Variants in ATRIP observed in about 807,000 individuals in gnomAD.
ATRIP encodes ATR-interacting protein.
A neutral mutation model predicts 78.1 loss-of-function variants in ATRIP; 44 were observed. That is an observed-to-expected ratio of 0.56 (90% CI 0.44 to 0.72). The LOEUF is 0.72. ATRIP is among the 30% of genes least tolerant of loss of function. The pLI, the probability that ATRIP is intolerant of heterozygous loss-of-function variation, is 0.00. For synonymous variants in ATRIP, 388 were observed against 408.9 expected, an observed-to-expected ratio of 0.95 and a Z score of 0.62; for missense variants, 927 against 980.2, an observed-to-expected ratio of 0.95 and a Z score of 0.72.
At chr3:48,465,121 G>T in intron 12 of ATRIP, 38 bp downstream of exon 12, 1 of 1,579,428 alleles carries the variant, frequency 6.3e-7, no homozygotes. Flanking sequence ...AGCCCCCATG[G>T]CTTCTTCCAG....
Position 48,466,430 on chromosome 3 carries a change from AGTCGAATGTGCTG to A in ATRIP, c.*880_*892del. 6.2e-7 allele frequency: 1 copy of A among 1,610,838 alleles called. No individual in the cohort carries two copies. The highest frequency in any genetic ancestry group is 1.7e-5 in the Admixed American group (1 of 60,010). On this transcript the variant is annotated 3_prime_UTR_variant, in exon 13 of 13. Transcript: ENST00000320211. ...TGTGAAGAGGGAGACCCTCTCAGAC[AGTCGAATGTGCTG>A]GTCCCACTAAGGAAACCACCTCACC...
At position 48,446,882 on chromosome 3, in the gene ATRIP, A is replaced by T; in HGVS notation, c.37A>T (p.Ser13Cys). The T allele has an allele frequency of 7.1e-7, 1 of 1,401,734 alleles. No homozygotes were observed. Among genetic ancestry groups the T allele is most frequent in the Non-Finnish European group, 9.3e-7 (1 of 1,080,814 alleles). The allele number at this position is 1,401,734 out of a possible 1,614,324, so 86.8% of individuals were successfully genotyped here. Residue 13 changes from serine to cysteine, a missense_variant, in exon 1 of 13, where the codon AGC (serine) becomes TGC (cysteine). Transcript: ENST00000320211. ...GTSAPGSKRR[S>C]EPPAPRPGPP... ...CTCCGCGCCAGGCAGCAAGAGGCGG[A>T]GCGAGCCCCCGGCGCCTCGCCCCGG...
chr3:48,452,692 T>C (rs13091785), intron 3 of ATRIP, among the ~76,000 whole-genome samples: 94,207 of 151,510 alleles, frequency 0.62, 29,671 homozygotes, highest in African/African-American at 0.72. Flanking sequence ...GAGACCCTGT[T>C]TCAAAAAAAG....
Position 48,465,515 on chromosome 3 carries a change from G to C in ATRIP, c.2337G>C (p.Ala779=). 5 of 1,613,926 alleles carry C rather than the reference G, an allele frequency of 3.1e-6. No individual in the cohort carries two copies. The highest frequency in any genetic ancestry group is 4.2e-6 in the Non-Finnish European group (5 of 1,179,882). The change falls in exon 13 of 13, where the codon GCG becomes GCC. Residue 779 remains alanine, a synonymous_variant. Transcript: ENST00000320211. ...CAGCCCTGGATGACCTCTGTGCCGC[G>C]GAAACCGATGTGGAAGACCCCGAGG... ...EEAALDDLCA[A]ETDVEDPEVE...
rs1205202381 is a variant in ATRIP, at chr3:48,463,791, A to G, written c.1792A>G (p.Thr598Ala). ...GCTGCCAAAGTGCCTCAGCCCAGAGACACCCCTGCCTAGCGTGCTGCTGGC... is the reference window on the plus strand; with the variant it reads ...GCTGCCAAAGTGCCTCAGCCCAGAGGCACCCCTGCCTAGCGTGCTGCTGGC... ...QVLPKCLSPE[T>A]PLPSVLLAVE... Residue 598 changes from threonine to alanine, a missense_variant, in exon 9 of 13, where the codon ACA becomes GCA. Transcript: ENST00000320211. 6.2e-7 allele frequency: 1 copy of G among 1,614,088 alleles called. No homozygotes were observed. The highest frequency in any genetic ancestry group is 2.2e-5 in the East Asian group (1 of 44,878).
chr3:48,454,013 A>G (rs1040519693), intron 3 of ATRIP, among the ~76,000 whole-genome samples: 6 of 151,830 alleles, frequency 4.0e-5, no homozygotes, highest in African/African-American at 9.7e-5. Context: ...TCCCGCCTCA[A>G]CCTCCCAAAG....
At chr3:48,449,927 G>C (rs1338144345) in intron 1 of ATRIP, 110 bp from the exon 2 acceptor site, 1 of 1,195,980 alleles carries the variant, frequency 8.4e-7, no homozygotes, top group Non-Finnish European at 1.2e-6. Flanking sequence ...AACAGAGCAA[G>C]ACCCTATCTC....
rs113448339 is a variant in ATRIP, at chr3:48,464,650, G to A, written c.2043G>A (p.Gln681=). 2 of 1,614,226 alleles carry A rather than the reference G, an allele frequency of 1.2e-6. No individual in the cohort carries two copies. Among genetic ancestry groups the A allele is most frequent in the East Asian group, 2.2e-5 (1 of 44,888 alleles). Residue 681 remains glutamine (Q), a synonymous_variant, in exon 11 of 13, where the codon CAG becomes CAA. Transcript: ENST00000320211. ...CCCCAGTCACTGGCTCCAACTGCCA[G>A]TGTAATGTGGAGGTGAGTGGGTAGG... ...PLPPVTGSNC[Q]CNVEVVRALT... is the part of the protein sequence containing the mutation.
intron 2 of ATRIP, among the ~76,000 whole-genome samples, chr3:48,451,020 C>T (rs1350219470): frequency 6.6e-6 from 1 of 151,586 alleles, no homozygotes; most frequent in Non-Finnish European, 1.5e-5. Flanking sequence ...GAAAACCCGT[C>T]TCTACTAAAA....
Position 48,459,859 on chromosome 3 carries a change from T to C in ATRIP, c.998T>C (p.Leu333Pro), listed in dbSNP as rs1487711352. The C allele has an allele frequency of 5.6e-6, 9 of 1,614,062 alleles. No individual in the cohort carries two copies. The South Asian group carries it at 9.9e-5, about 18-fold the overall frequency. Residue 333 changes from leucine (L) to proline (P), a missense_variant, in exon 7 of 13, where the codon CTG becomes CCG. Leu to Pro is a moderately conservative substitution (Grantham distance 98). Coordinates refer to ENST00000320211, the MANE Select transcript of ATRIP (RefSeq NM_130384.3). The stretch of plus-strand genomic sequence containing the variant: ...TCATCCCTAAGCCTTTGCCACCTCC[T>C]GAGTAGTAGTTCTGAGTCTCCTGCT... ...PGSSLSLCHLLSSSSESPAGT... is the reference protein window; with the variant it reads ...PGSSLSLCHLPSSSSESPAGT...
intron 4 of ATRIP, among the ~76,000 whole-genome samples, chr3:48,455,569 A>G (rs901074271): frequency 2.0e-5 from 3 of 151,748 alleles, no homozygotes; most frequent in Non-Finnish European, 4.4e-5. Context: ...AGCTCACTGC[A>G]ACCTCCACCT....
rs771927804 is a variant in ATRIP at position 48,451,886 on chromosome 3, A to G, written c.539A>G (p.Glu180Gly). ...KTQALSDKEKEFSKKLQSLQS... is the reference protein window; with the variant it reads ...KTQALSDKEKGFSKKLQSLQS... ...CAAGCACTCAGTGACAAGGAAAAGG[A>G]ATTCTCCAAAAAGGTGACCCAGAGC... is the stretch of plus-strand genomic sequence containing the variant. Residue 180 changes from glutamate to glycine, a missense_variant, in exon 3 of 13, where the codon GAA becomes GGA. Physicochemically the swap from Glu to Gly is moderately conservative, Grantham distance 98. Coordinates refer to ENST00000320211, the MANE Select transcript of ATRIP (RefSeq NM_130384.3). The G allele has an allele frequency of 1.2e-6, 2 of 1,604,666 alleles. No homozygotes were observed. Among genetic ancestry groups the G allele is most frequent in the South Asian group, 2.2e-5 (2 of 88,916 alleles).
Position 48,446,853 on chromosome 3 carries a change from G to A in ATRIP, c.8G>A (p.Gly3Glu). 2 of 1,401,578 alleles carry A rather than the reference G, an allele frequency of 1.4e-6. No homozygotes were observed. Among genetic ancestry groups the A allele is most frequent in the Non-Finnish European group, 1.9e-6 (2 of 1,079,750 alleles). 86.8% of individuals were successfully genotyped at this position (1,401,578 alleles called of 1,614,324 possible). ...TTGGGGTGAGCGGAAAGCATGGCGG[G>A]GACCTCCGCGCCAGGCAGCAAGAGG... is the stretch of plus-strand genomic sequence containing the variant. MA[G>E]TSAPGSKRRS... Residue 3 changes from glycine (G) to glutamate (E), a missense_variant, in exon 1 of 13, where the codon GGG (glycine) becomes GAG (glutamate). Physicochemically the swap from Gly to Glu is moderately conservative, Grantham distance 98 (BLOSUM62 -2). Transcript: ENST00000320211.
At position 48,446,883 on chromosome 3, in the gene ATRIP, G is replaced by A. The variant is rs1336567918; in HGVS notation, c.38G>A (p.Ser13Asn). The A allele has an allele frequency of 7.1e-7, 1 of 1,399,542 alleles. No individual in the cohort carries two copies. Among genetic ancestry groups the A allele is most frequent in the African/African-American group, 1.5e-5 (1 of 66,600 alleles). 86.7% of individuals were successfully genotyped at this position (1,399,542 alleles called of 1,614,324 possible). Residue 13 changes from serine to asparagine, a missense_variant, in exon 1 of 13, where the codon AGC (serine) becomes AAC (asparagine). Coordinates refer to ENST00000320211, the MANE Select transcript of ATRIP (RefSeq NM_130384.3). ...TCCGCGCCAGGCAGCAAGAGGCGGA[G>A]CGAGCCCCCGGCGCCTCGCCCCGGC... ...GTSAPGSKRR[S>N]EPPAPRPGPP...
rs149789575 is a variant in ATRIP at position 48,467,156 on chromosome 3, C to T, written c.*1602C>T. Reference sequence around the variant, plus strand: ...TGAAGGCCCTGGAGCGAGCAAGCAGCCCCTCAGAACACGGCCCAAGGAAGA... The same window carrying T: ...TGAAGGCCCTGGAGCGAGCAAGCAGTCCCTCAGAACACGGCCCAAGGAAGA... On this transcript the variant is annotated 3_prime_UTR_variant, in exon 13 of 13. Coordinates refer to ENST00000320211, the MANE Select transcript of ATRIP (RefSeq NM_130384.3). 14 of 1,614,030 alleles carry T rather than the reference C, an allele frequency of 8.7e-6. No homozygotes were observed. Among genetic ancestry groups the T allele is most frequent in the Admixed American group, 1.7e-5 (1 of 60,022 alleles).
At chr3:48,447,971 A>G (rs938819007) in intron 1 of ATRIP, among the ~76,000 whole-genome samples, 3 of 152,168 alleles carry the variant, frequency 2.0e-5, no homozygotes, top group African/African-American at 7.2e-5. Context: ...TCTGGAGTCT[A>G]TCCTATTCAC....
chr3:48,451,794 A>G lies in ATRIP; in HGVS notation c.447A>G (p.Leu149=). The G allele has an allele frequency of 6.2e-7, 1 of 1,612,536 alleles. No homozygotes were observed. The highest frequency in any genetic ancestry group is 1.1e-5 in the South Asian group (1 of 90,752). ...AAATTAAAATTTTGCGAGACTCACT[A>G]CATCAGACGGAATCCGTTCTAGAGG... The part of the protein sequence containing the change: ...NGEIKILRDS[L]HQTESVLEEQ... The change falls in exon 3 of 13, where the codon CTA becomes CTG. Residue 149 remains leucine (L), a synonymous_variant. Transcript: ENST00000320211.
chr3:48,458,777 C>T (rs780166073), intron 5 of ATRIP, among the ~76,000 whole-genome samples: 2 of 152,200 alleles, frequency 1.3e-5, no homozygotes, highest in African/African-American at 4.8e-5. Flanking sequence ...CCTCTTCTTA[C>T]CATCAACCTT....
Position 48,446,948 on chromosome 3 carries a change from CG to C in ATRIP, c.107del (p.Gly36AlafsTer36). On this transcript the variant is annotated frameshift_variant, in exon 1 of 13. Coordinates refer to ENST00000320211, the MANE Select transcript of ATRIP (RefSeq NM_130384.3). LOFTEE classifies it high-confidence loss of function. The stretch of plus-strand genomic sequence containing the variant: ...CGGGCACCCCCCGAGCAAGCGGGCC[CG>C]GGGCTTCTCCGCAGCCGCTGCCCCG... ...GTGHPPSKRA[R>X]GFSAAAAPDP... 6.6e-7 allele frequency: 1 copy of C among 1,526,358 alleles called. No individual in the cohort carries two copies. Among genetic ancestry groups the C allele is most frequent in the Non-Finnish European group, 8.8e-7 (1 of 1,139,350 alleles). The allele number at this position is 1,526,358 out of a possible 1,614,324, so 94.6% of individuals were successfully genotyped here.
Sources: allele counts gnomAD v4.1 joint callset (sites outside exome capture counted in the v4.1 genomes callset), GRCh38; gene constraint gnomAD v4.1.1; transcripts MANE v1.5; gene names NCBI Gene and HGNC (gene_info 2026-07-23, HGNC 2026-07-21).